OPCML: variants seen among roughly 807,000 people sequenced by gnomAD.
OPCML encodes opioid binding protein/cell adhesion molecule like.
A neutral mutation model predicts 37.8 loss-of-function variants in OPCML; 13 were observed. The observed-to-expected ratio is 0.34, with a 90% CI of 0.22 to 0.55. The LOEUF (loss-of-function observed/expected upper bound fraction) is 0.55, where lower values mean the gene tolerates loss of function less well. OPCML is among the 20% of genes least tolerant of loss of function. OPCML has a pLI of 0.91. For synonymous variants in OPCML, 176 were observed against 168.8 expected (o/e 1.04, Z -0.33); for missense variants, 341 against 435.6 (o/e 0.78, Z 1.93).
At position 132,645,219 on chromosome 11, in the gene OPCML, C is replaced by G. The variant is rs544189141; in HGVS notation, c.379+11868G>C. Among the ~76,000 whole-genome samples, 256 of 152,320 alleles carry G rather than the reference C, an allele frequency of 1.7e-3. 1 individual carries two copies. The highest frequency in any genetic ancestry group is 5.9e-3 in the African/African-American group (245 of 41,574). ...TTTCACTAAGAACTTCTTTATTCAA[C>G]AGGCATGTTTTCAATGCTACAGTGT... On this transcript the variant is annotated intron_variant, in intron 3 of 7. Coordinates refer to ENST00000524381, the MANE Select transcript of OPCML (RefSeq NM_001012393.5).
At chr11:132,631,616 C>T (rs774877493) in intron 3 of OPCML, among the ~76,000 whole-genome samples, 268 of 150,556 alleles carry the variant, frequency 1.8e-3, no homozygotes, top group Admixed American at 2.9e-3. Context: ...CCCGCCACCA[C>T]GCCCGGCTAA....
intron 1 of OPCML, among the ~76,000 whole-genome samples, chr11:133,049,473 A>G (rs1293741442): frequency 1.3e-5 from 2 of 152,228 alleles, no homozygotes; most frequent in African/African-American, 4.8e-5. Flanking sequence ...CTTGACTTCT[A>G]TGGCCCTTAG....
At chr11:133,404,173 C>T (rs952503889) in intron 1 of OPCML, among the ~76,000 whole-genome samples, 1 of 152,230 alleles carries the variant, frequency 6.6e-6, no homozygotes, top group African/African-American at 2.4e-5. Context: ...GCTGTGTCTT[C>T]ACATCCTCTC....
chr11:133,371,338 A>G (rs1254938233), intron 1 of OPCML, among the ~76,000 whole-genome samples: 1 of 152,260 alleles, frequency 6.6e-6, no homozygotes, highest in East Asian at 1.9e-4. Flanking sequence ...AAATCTGTAT[A>G]TCAAAGGAAT....
At chr11:133,117,673 C>T (rs1949357484) in intron 1 of OPCML, 9 of 531,958 alleles carry the variant, frequency 1.7e-5, no homozygotes, top group Non-Finnish European at 2.2e-5. Flanking sequence ...TGCCCTTGGG[C>T]TCAGAGTGAC....
intron 1 of OPCML, among the ~76,000 whole-genome samples, chr11:133,267,997 C>T (rs1421304479): frequency 6.6e-6 from 1 of 152,208 alleles, no homozygotes; most frequent in East Asian, 1.9e-4. Flanking sequence ...GACTAATATA[C>T]TCCTTCTCTA....
At chr11:133,429,443 G>C (rs1380730987) in intron 1 of OPCML, among the ~76,000 whole-genome samples, 1 of 152,282 alleles carries the variant, frequency 6.6e-6, no homozygotes, top group East Asian at 1.9e-4. Context: ...CCATTGGAAG[G>C]CACGGGACAG....
intron 4 of OPCML, among the ~76,000 whole-genome samples, chr11:132,488,398 G>A (rs1464649978): frequency 6.6e-6 from 1 of 152,164 alleles, no homozygotes; most frequent in Non-Finnish European, 1.5e-5. Context: ...AGGCTAGATG[G>A]CACAGCCTAC....
intron 2 of OPCML, among the ~76,000 whole-genome samples, chr11:132,906,438 G>A (rs987984148): frequency 1.3e-5 from 2 of 152,160 alleles, no homozygotes; most frequent in South Asian, 2.1e-4. Context: ...GCCTCCCTCA[G>A]TGTGTGGTTT....
rs561856340 is a variant in OPCML, at chr11:133,486,625, G to A, written c.61+45639C>T. On this transcript the variant is annotated intron_variant, in intron 1 of 7. Transcript: ENST00000524381. ...CTTCTCTGAGAATCTTATCCAAACC[G>A]ATGGCTTTAACAGATAACAAGATAC... Among the ~76,000 whole-genome samples the A allele has an allele frequency of 2.6e-5, 4 of 152,098 alleles. No homozygotes were observed. The South Asian group carries it at 6.2e-4, about 24-fold the overall frequency.
chr11:133,190,995 G>C (rs1938288447), intron 1 of OPCML, among the ~76,000 whole-genome samples: 1 of 151,350 alleles, frequency 6.6e-6, no homozygotes, highest in Admixed American at 6.6e-5. Flanking sequence ...TATTTCTTCT[G>C]GTTATGTCTC....
chr11:132,485,545 C>T (rs2096197095), intron 4 of OPCML, among the ~76,000 whole-genome samples: 1 of 152,194 alleles, frequency 6.6e-6, no homozygotes, highest in African/African-American at 2.4e-5. Flanking sequence ...ATTCCCCCAC[C>T]ATGTGGCTCC....
chr11:132,684,842 T>C (rs1482438919), intron 2 of OPCML, among the ~76,000 whole-genome samples: 2 of 152,202 alleles, frequency 1.3e-5, no homozygotes, highest in Non-Finnish European at 2.9e-5. Flanking sequence ...CTCTTCTGGG[T>C]TGATTTTCTT....
At chr11:133,158,480 T>C (rs547107103) in intron 1 of OPCML, among the ~76,000 whole-genome samples, 14 of 152,016 alleles carry the variant, frequency 9.2e-5, no homozygotes, top group African/African-American at 2.9e-4. Context: ...GGCGGGAGGA[T>C]CACGAGGTCA....
intron 2 of OPCML, among the ~76,000 whole-genome samples, chr11:132,753,100 CT>C (rs1486484403): frequency 6.6e-6 from 1 of 152,042 alleles, no homozygotes; most frequent in Non-Finnish European, 1.5e-5. Flanking sequence ...CCTCAGGAGG[CT>C]TTGCACTCTG....
At chr11:132,700,256 T>C (rs1299154305) in intron 2 of OPCML, among the ~76,000 whole-genome samples, 1 of 152,092 alleles carries the variant, frequency 6.6e-6, no homozygotes, top group Non-Finnish European at 1.5e-5. Flanking sequence ...ACAACTCTGT[T>C]TTAAATTGTT....
At chr11:133,050,859 TA>T (rs1263106361) in intron 1 of OPCML, among the ~76,000 whole-genome samples, 3 of 152,258 alleles carry the variant, frequency 2.0e-5, no homozygotes, top group African/African-American at 7.2e-5. Flanking sequence ...TTAGGAGGCT[TA>T]ATTATTCACA....
At chr11:133,038,104 C>T (rs1285525245) in intron 1 of OPCML, among the ~76,000 whole-genome samples, 1 of 152,230 alleles carries the variant, frequency 6.6e-6, no homozygotes, top group Non-Finnish European at 1.5e-5. Flanking sequence ...AGGGTGGTGG[C>T]CACCTCTCTT....
chr11:132,702,249 A>G lies in OPCML; in HGVS notation c.147-44930T>C, dbSNP rs1437048160. Reference sequence around the variant, plus strand: ...TTGGCATTTATTGTAAGGCAGGTCTAGTGGTGATGAACTCCCTCAGTTTTT... The same window carrying G: ...TTGGCATTTATTGTAAGGCAGGTCTGGTGGTGATGAACTCCCTCAGTTTTT... On this transcript the variant is annotated intron_variant, in intron 2 of 7. Coordinates refer to ENST00000524381, the MANE Select transcript of OPCML (RefSeq NM_001012393.5). Among the ~76,000 whole-genome samples, 4 of 152,196 alleles carry G rather than the reference A, an allele frequency of 2.6e-5. No individual in the cohort carries two copies. In the South Asian group the frequency reaches 6.2e-4, roughly 24 times the overall value.
Sources: allele counts gnomAD v4.1 joint callset (sites outside exome capture counted in the v4.1 genomes callset), GRCh38; gene constraint gnomAD v4.1.1; transcripts MANE v1.5; gene names NCBI Gene and HGNC (gene_info 2026-07-23, HGNC 2026-07-21).